ABCB5: variants seen among roughly 807,000 people sequenced by gnomAD.
ABCB5 encodes the protein ATP-binding cassette sub-family B member 5.
Under a neutral mutation model 144.2 loss-of-function variants are expected in ABCB5, and 155 were observed. The observed-to-expected ratio is 1.08, with a 90% CI of 0.94 to 1.23. ABCB5 has a LOEUF of 1.23. ABCB5 is among the 50% of genes most tolerant of loss of function. The pLI is 0.00. For synonymous variants in ABCB5, 610 were observed against 528.6 expected (o/e 1.15, Z -2.11); for missense variants, 1,830 against 1,520.8 (o/e 1.20, Z -3.38).
chr7:20,659,292 G>A (rs1784919368), intron 14 of ABCB5: 3 of 1,440,030 alleles, frequency 2.1e-6, no homozygotes, highest in Non-Finnish European at 2.7e-6. Context: ...CCATTGAACA[G>A]TTTTCTCGAT....
intron 14 of ABCB5, among the ~76,000 whole-genome samples, chr7:20,665,768 G>GATACATAC (rs67828264): frequency 4.5e-3 from 569 of 125,464 alleles, no homozygotes; most frequent in Middle Eastern, 0.012. Context: ...GATAGATAGA[G>GATACATAC]ATACATACAT....
At chr7:20,694,902 C>T (rs1168610966) in intron 16 of ABCB5, among the ~76,000 whole-genome samples, 2 of 151,896 alleles carry the variant, frequency 1.3e-5, no homozygotes, top group Non-Finnish European at 2.9e-5. Flanking sequence ...GTAAAACCCA[C>T]ACACTGCAAT....
intron 26 of ABCB5, among the ~76,000 whole-genome samples, chr7:20,750,358 T>C (rs1017029063): frequency 4.7e-5 from 7 of 150,142 alleles, no homozygotes; most frequent in African/African-American, 1.7e-4. Flanking sequence ...CACGGAGCAG[T>C]GATGAGAGTC....
intron 7 of ABCB5, among the ~76,000 whole-genome samples, chr7:20,644,762 A>T (rs1417948523): frequency 1.3e-5 from 2 of 152,248 alleles, no homozygotes; most frequent in Non-Finnish European, 2.9e-5. Context: ...TACTAACAAT[A>T]TAGTAATTCA....
chr7:20,731,217 G>C (rs1031773681), intron 23 of ABCB5, among the ~76,000 whole-genome samples: 3 of 151,804 alleles, frequency 2.0e-5, no homozygotes, highest in African/African-American at 7.3e-5. Context: ...AGCTGGGCAT[G>C]GTGGTGGGCG....
chr7:20,647,690 C>A (rs770405875), intron 10 of ABCB5, 42 bp downstream of exon 10: 7 of 1,534,196 alleles, frequency 4.6e-6, no homozygotes, highest in African/African-American at 1.4e-5. Context: ...ATCATTACTG[C>A]AAGAAGGAGA....
At position 20,711,845 on chromosome 7, in the gene ABCB5, T is replaced by TTTTC. The variant is rs1487011268; in HGVS notation, c.2421+7051_2421+7054dup. Among the ~76,000 whole-genome samples, 2 of 10,234 alleles carry TTTTC rather than the reference T, an allele frequency of 2.0e-4. 1 individual carries two copies. Among genetic ancestry groups the TTTTC allele is most frequent in the Non-Finnish European group, 3.4e-4 (2 of 5,874 alleles). The allele number at this position is 10,234 out of a possible 152,430, so 6.7% of individuals were successfully genotyped here. Reference sequence around the variant, plus strand: ...CTTTCTTTCTTTCTTTCTTTCTTTCTTTTCTTTCTTTCTTTCCTTCCTCCC... The same window carrying TTTTC: ...CTTTCTTTCTTTCTTTCTTTCTTTCTTTTCTTTCTTTCTTTCTTTCCTTCCTCCC... On this transcript the variant is annotated intron_variant, in intron 20 of 27. Transcript: ENST00000404938.
chr7:20,617,473 A>G (rs190446819), intron 1 of ABCB5, among the ~76,000 whole-genome samples: 31 of 152,272 alleles, frequency 2.0e-4, no homozygotes, highest in African/African-American at 7.5e-4. Context: ...TGTATTTTAA[A>G]CTTTATTTTT....
rs1428591654 is a variant in ABCB5 at position 20,650,047 on chromosome 7, T to C, written c.1232T>C (p.Ile411Thr). The change falls in exon 12 of 28, where the codon ATT becomes ACT. Residue 411 changes from isoleucine (I) to threonine (T), a missense_variant. By Grantham distance (89) the Ile-to-Thr change is moderately conservative. Transcript: ENST00000404938. ...ATTCTGAAAGGTCTGAATCTCAGAA[T>C]TAAGTCTGGAGAGACAGTCGCCTTG... ...IKILKGLNLR[I>T]KSGETVALVG... 6.8e-6 allele frequency: 11 copies of C among 1,613,270 alleles called. No individual in the cohort carries two copies. Among genetic ancestry groups the C allele is most frequent in the Non-Finnish European group, 9.3e-6 (11 of 1,179,492 alleles).
At chr7:20,725,688 T>A (rs73085700) in intron 21 of ABCB5, among the ~76,000 whole-genome samples, 45,412 of 152,192 alleles carry the variant, frequency 0.3, 7,400 homozygotes, top group Non-Finnish European at 0.38. Context: ...AATTGGAGAT[T>A]TTTTTAATGT....
rs779510312 is a variant in ABCB5, at chr7:20,753,463, T to C, written c.3533T>C (p.Leu1178Ser). 1.9e-6 allele frequency: 3 copies of C among 1,613,940 alleles called. No individual in the cohort carries two copies. The highest frequency in any genetic ancestry group is 2.2e-5 in the East Asian group (1 of 44,894). ...RALLQKPKIL[L>S]LDEATSALDN... The stretch of plus-strand genomic sequence containing the variant: ...CTTCTCCAAAAACCCAAAATTTTAT[T>C]GTTGGATGAGGCCACTTCAGCCCTC... The change falls in exon 27 of 28, where the codon TTG becomes TCG. Residue 1178 changes from leucine (L) to serine (S), a missense_variant. Coordinates refer to ENST00000404938, the MANE Select transcript of ABCB5 (RefSeq NM_001163941.2).
chr7:20,726,412 A>G (rs11982664), intron 21 of ABCB5, among the ~76,000 whole-genome samples: 120,155 of 139,924 alleles, frequency 0.86, 51,775 homozygotes, highest in East Asian at 0.95. Flanking sequence ...CTGTTGCCCA[A>G]GCTGGAGTGC....
At chr7:20,630,007 C>G (rs1273110135) in intron 4 of ABCB5, among the ~76,000 whole-genome samples, 3 of 152,046 alleles carry the variant, frequency 2.0e-5, no homozygotes, top group Non-Finnish European at 2.9e-5. Flanking sequence ...TCATATTGCT[C>G]TTATCTGTAG....
rs1004483697 is a variant in ABCB5, at chr7:20,756,655, A to G, written c.*1031A>G. On this transcript the variant is annotated 3_prime_UTR_variant, in exon 28 of 28. Transcript: ENST00000404938. Reference sequence around the variant, plus strand: ...GAGACTCCATCTCAAAAAATAATAAATAAGAGCTAATTTTATTGTGGGTGA... The same window carrying G: ...GAGACTCCATCTCAAAAAATAATAAGTAAGAGCTAATTTTATTGTGGGTGA... 2 of 152,164 alleles carry G rather than the reference A, an allele frequency of 1.3e-5. No homozygotes were observed. Among genetic ancestry groups the G allele is most frequent in the African/African-American group, 4.8e-5 (2 of 41,446 alleles). The allele number at this position is 152,164 out of a possible 1,614,324, so 9.4% of individuals were successfully genotyped here.
Position 20,674,749 on chromosome 7 carries a change from TACACACACAC to T in ABCB5, c.1708-6730_1708-6721del, listed in dbSNP as rs71555815. Among the ~76,000 whole-genome samples the T allele has an allele frequency of 1.1e-3, 152 of 140,348 alleles. 1 individual carries two copies. The highest frequency in any genetic ancestry group is 3.8e-3 in the African/African-American group (145 of 38,176). 92.1% of individuals were successfully genotyped at this position (140,348 alleles called of 152,430 possible). On this transcript the variant is annotated intron_variant, in intron 14 of 27. Coordinates refer to ENST00000404938, the MANE Select transcript of ABCB5 (RefSeq NM_001163941.2). ...CTTAAAATTTGAAAACTCTAAAGAC[TACACACACAC>T]ACACACACACACACACACACACACA...
At position 20,742,894 on chromosome 7, in the gene ABCB5, T is replaced by A. The variant is rs747566829; in HGVS notation, c.3042T>A (p.Asn1014Lys). 6.8e-6 allele frequency: 11 copies of A among 1,614,070 alleles called. No individual in the cohort carries two copies. The highest frequency in any genetic ancestry group is 9.3e-6 in the Non-Finnish European group (11 of 1,180,030). ...TTTCACAGGACACATGTGAAGGGAA[T>A]TTAGAGTTTCGAGAAGTCTCTTTCT... is the stretch of plus-strand genomic sequence containing the variant. The part of the protein sequence containing the change: ...EGKKPDTCEG[N>K]LEFREVSFFY... The change falls in exon 25 of 28, where the codon AAT (asparagine) becomes AAA (lysine). Residue 1014 changes from asparagine to lysine, a missense_variant. By Grantham distance (94) the Asn-to-Lys change is moderately conservative. Transcript: ENST00000404938.
chr7:20,679,523 A>T (rs1028596523), intron 14 of ABCB5, among the ~76,000 whole-genome samples: 1 of 151,832 alleles, frequency 6.6e-6, no homozygotes, highest in Non-Finnish European at 1.5e-5. Context: ...AGACAATCAC[A>T]TAAACTTTCA....
chr7:20,692,084 C>A (rs1456984343), intron 16 of ABCB5, among the ~76,000 whole-genome samples: 1 of 152,072 alleles, frequency 6.6e-6, no homozygotes. Flanking sequence ...AGAAATAATG[C>A]TTTAAAAATT....
At chr7:20,642,220 T>C (rs1784309729) in intron 5 of ABCB5, among the ~76,000 whole-genome samples, 1 of 152,220 alleles carries the variant, frequency 6.6e-6, no homozygotes, top group Admixed American at 6.5e-5. Flanking sequence ...AACCCTAGAA[T>C]ATGCCAAATT....
Sources: allele counts gnomAD v4.1 joint callset (sites outside exome capture counted in the v4.1 genomes callset), GRCh38; gene constraint gnomAD v4.1.1; transcripts MANE v1.5; gene names NCBI Gene and HGNC (gene_info 2026-07-23, HGNC 2026-07-21).